The following BRINP1 variants were observed in gnomAD, a reference collection of about 807,000 sequenced individuals.
BRINP1 encodes BMP/retinoic acid inducible neural specific 1, also known as BMP/retinoic acid-inducible neural-specific protein 1.
A neutral mutation model predicts 72.9 loss-of-function variants in BRINP1; 17 were observed. That is an observed-to-expected ratio of 0.23 (90% confidence interval 0.16 to 0.35). BRINP1 has a LOEUF of 0.35. Among genes scored for constraint, BRINP1 ranks in the 10% least tolerant of loss-of-function variants. The pLI, the probability that BRINP1 is intolerant of heterozygous loss-of-function variation, is 1.00. For missense variants in BRINP1, 850 were observed against 1,001.6 expected (o/e 0.85, Z 2.04); for synonymous variants, 418 against 378.5 (o/e 1.10, Z -1.21).
intron 4 of BRINP1, among the ~76,000 whole-genome samples, chr9:119,241,790 A>G (rs1830252193): frequency 6.6e-6 from 1 of 152,214 alleles, no homozygotes; most frequent in Non-Finnish European, 1.5e-5. Flanking sequence ...ACTGAATGAG[A>G]GAACTGTTGA....
At chr9:119,363,841 A>C (rs1039847498) in intron 1 of BRINP1, among the ~76,000 whole-genome samples, 3 of 152,206 alleles carry the variant, frequency 2.0e-5, no homozygotes, top group Non-Finnish European at 4.4e-5. Context: ...GCCACATTTC[A>C]AGTGTTCAGC....
chr9:119,255,674 C>T (rs1830438526), intron 2 of BRINP1, among the ~76,000 whole-genome samples: 1 of 152,024 alleles, frequency 6.6e-6, no homozygotes, highest in Non-Finnish European at 1.5e-5. Flanking sequence ...AAAGGAGAGG[C>T]CAGGTGCAGT....
In BRINP1 at chr9:119,361,834, C is replaced by T. The variant is rs929388886; in HGVS notation, c.-51+7222G>A. ...TTTTTTTTTTTTGGAGACAGAGTCT[C>T]GCTCTGTCGCCCAGGCTGGAGTGCA... is the stretch of plus-strand genomic sequence containing the variant. On this transcript the variant is annotated intron_variant, in intron 1 of 7. Transcript: ENST00000265922. Among the ~76,000 whole-genome samples the T allele has an allele frequency of 1.2e-4, 16 of 137,754 alleles. No homozygotes were observed. The South Asian group carries it at 3.3e-3, about 29-fold the overall frequency. The allele number at this position is 137,754 out of a possible 152,430, so 90.4% of individuals were successfully genotyped here. A position where few individuals can be genotyped will look rare whatever the true frequency, so the allele number is the denominator to read the frequency against.
chr9:119,252,081 C>T (rs189819276), intron 2 of BRINP1, among the ~76,000 whole-genome samples: 1 of 152,102 alleles, frequency 6.6e-6, no homozygotes, highest in Non-Finnish European at 1.5e-5. Flanking sequence ...GTCTCTGTGT[C>T]CATCTTTTCT....
chr9:119,312,977 T>G (rs1831083890), intron 2 of BRINP1, among the ~76,000 whole-genome samples, 161 bp downstream of exon 2: 1 of 152,162 alleles, frequency 6.6e-6, no homozygotes. Flanking sequence ...TGTTAATCTC[T>G]TGTGCAAAGA....
intron 7 of BRINP1, among the ~76,000 whole-genome samples, chr9:119,192,844 CTAAA>C (rs1829696248): frequency 6.6e-6 from 1 of 152,060 alleles, no homozygotes; most frequent in African/African-American, 2.4e-5. Flanking sequence ...AGGGAAGAAA[CTAAA>C]TACCTATCAA....
intron 2 of BRINP1, among the ~76,000 whole-genome samples, chr9:119,261,793 C>T (rs756542949): frequency 2.0e-5 from 3 of 149,366 alleles, no homozygotes; most frequent in Non-Finnish European, 4.5e-5. Flanking sequence ...TTCCTTCCTC[C>T]CTCCCTTCCT....
At chr9:119,367,637 A>G (rs1831709124) in intron 1 of BRINP1, among the ~76,000 whole-genome samples, 1 of 152,106 alleles carries the variant, frequency 6.6e-6, no homozygotes, top group South Asian at 2.1e-4. Flanking sequence ...CTTGACCCAA[A>G]CTACCTTCCT....
At chr9:119,172,125 C>CT (rs1479862802) in intron 7 of BRINP1, among the ~76,000 whole-genome samples, 1 of 150,910 alleles carries the variant, frequency 6.6e-6, no homozygotes, top group African/African-American at 2.5e-5. Context: ...CAAGAAATAA[C>CT]TAAAATCAGA....
intron 2 of BRINP1, among the ~76,000 whole-genome samples, chr9:119,268,289 T>TAGATAGATAGATAGATAGACAGAC (rs1182856980): frequency 5.6e-4 from 83 of 148,702 alleles, no homozygotes; most frequent in South Asian, 2.2e-3. Flanking sequence ...GATAGATAGA[T>TAGATAGATAGATAGATAGACAGAC]AGATAGATAG....
At position 119,167,469 on chromosome 9, in the gene BRINP1, C is replaced by T; in HGVS notation, c.1901G>A (p.Gly634Asp). ...ATCCGACAGGTCCACGGGGCCCTGG[C>T]CAGTCTCATTTCGCAGTAGGGTAGG... ...RLPTLLRNET[G>D]QGPVDLSDPS... The change falls in exon 8 of 8, where the codon GGC becomes GAC. Residue 634 changes from glycine to aspartate, a missense_variant. Transcript: ENST00000265922. This position sits in a 1 kb window ranked among gnomAD's most constrained non-coding sequence, Gnocchi z 4.3. 1 of 1,614,074 alleles carries T rather than the reference C, an allele frequency of 6.2e-7. No individual in the cohort carries two copies. Among genetic ancestry groups the T allele is most frequent in the South Asian group, 1.1e-5 (1 of 91,066 alleles).
At chr9:119,364,582 T>C (rs556993637) in intron 1 of BRINP1, among the ~76,000 whole-genome samples, 1 of 152,308 alleles carries the variant, frequency 6.6e-6, no homozygotes, top group African/African-American at 2.4e-5. Flanking sequence ...CCATTCATAA[T>C]AGTTACCATT....
chr9:119,344,746 T>C (rs1302851984), intron 1 of BRINP1, among the ~76,000 whole-genome samples: 5 of 152,164 alleles, frequency 3.3e-5, no homozygotes, highest in Non-Finnish European at 7.4e-5. Context: ...ACCACCTAAA[T>C]ATGCAAATAG....
chr9:119,366,566 C>T (rs112642950), intron 1 of BRINP1, among the ~76,000 whole-genome samples: 5 of 136,086 alleles, frequency 3.7e-5, no homozygotes, highest in African/African-American at 8.4e-5. Flanking sequence ...GTGTGTCTTT[C>T]GGGAATAGTG....
In BRINP1 at chr9:119,360,582, A is replaced by G. The variant is rs548891283; in HGVS notation, c.-51+8474T>C. On this transcript the variant is annotated intron_variant, in intron 1 of 7. Transcript: ENST00000265922. ...TTCATCTACTTTTGCAGATTGCTAA[A>G]TCTTAGAATGGAGACTTGAGAATTC... Among the ~76,000 whole-genome samples, 91 of 152,318 alleles carry G rather than the reference A, an allele frequency of 6.0e-4. No individual in the cohort carries two copies. In the South Asian group the frequency reaches 1.0e-2, roughly 17 times the overall value.
chr9:119,344,928 C>T (rs887340343), intron 1 of BRINP1, among the ~76,000 whole-genome samples: 1 of 152,154 alleles, frequency 6.6e-6, no homozygotes, highest in African/African-American at 2.4e-5. Flanking sequence ...CAGTTCTCTC[C>T]CATAACTTTA....
At chr9:119,239,439 G>T (rs1412622157) in intron 4 of BRINP1, among the ~76,000 whole-genome samples, 1 of 152,208 alleles carries the variant, frequency 6.6e-6, no homozygotes, top group Non-Finnish European at 1.5e-5. Context: ...TTGAGGTGGT[G>T]GGTAAGAGAG....
intron 5 of BRINP1, among the ~76,000 whole-genome samples, chr9:119,231,127 A>G (rs1830145708): frequency 6.6e-6 from 1 of 152,150 alleles, no homozygotes; most frequent in Non-Finnish European, 1.5e-5. Context: ...CATCAATAAT[A>G]AAAAGCATTC....
chr9:119,302,862 A>AG (rs1438011623), intron 2 of BRINP1, among the ~76,000 whole-genome samples: 1 of 151,884 alleles, frequency 6.6e-6, no homozygotes, highest in Non-Finnish European at 1.5e-5. Context: ...TCCTCATACT[A>AG]GGGGTCGATT....
Sources: gnomAD v4.1 joint callset for allele counts (sites outside exome capture counted in the v4.1 genomes callset) on GRCh38, gnomAD v4.1.1 for gene constraint, Gnocchi (gnomAD v3.1) non-coding constraint, MANE v1.5 for transcripts, NCBI Gene and HGNC (gene_info 2026-07-23, HGNC 2026-07-21) for gene names.